The following NUMA1 variants were observed in gnomAD, a reference collection of about 807,000 sequenced individuals.
NUMA1 encodes the protein nuclear mitotic apparatus protein 1.
A neutral mutation model predicts 237.1 loss-of-function variants in NUMA1; 62 were observed. That is an observed-to-expected ratio of 0.26 (90% CI 0.21 to 0.32). The LOEUF (loss-of-function observed/expected upper bound fraction) is 0.32. Among genes scored for constraint, NUMA1 ranks in the 10% least tolerant of loss-of-function variants. The pLI is 1.00. For synonymous variants in NUMA1, 1,028 were observed against 1,066.1 expected (o/e 0.96, Z 0.70); for missense variants, 2,533 against 2,666.5 (o/e 0.95, Z 1.10).
chr11:72,046,098 G>C (rs919005463), intron 2 of NUMA1, among the ~76,000 whole-genome samples: 1 of 152,150 alleles, frequency 6.6e-6, no homozygotes, highest in Non-Finnish European at 1.5e-5. Context: ...GGCCAGTTTC[G>C]CCAGGCTTTC....
chr11:72,026,977 C>T (rs949071637), intron 4 of NUMA1, among the ~76,000 whole-genome samples: 2 of 152,194 alleles, frequency 1.3e-5, no homozygotes, highest in African/African-American at 4.8e-5. Flanking sequence ...TCAGGCAACA[C>T]CCTAGAAGAC....
intron 2 of NUMA1, chr11:72,065,469 G>A (rs1245643278): frequency 6.6e-6 from 1 of 151,974 alleles, no homozygotes; most frequent in Non-Finnish European, 1.5e-5. Flanking sequence ...GAAAAAAGCA[G>A]AATATAAAAT....
chr11:72,077,949 A>G (rs1399541013), intron 1 of NUMA1, among the ~76,000 whole-genome samples: 1 of 152,234 alleles, frequency 6.6e-6, no homozygotes, highest in African/African-American at 2.4e-5. Flanking sequence ...AGGAAGGAAT[A>G]AAATGCAAGG....
rs1484512830 is a variant in NUMA1 at position 72,022,385 on chromosome 11, C to A, written c.326G>T (p.Ser109Ile). The A allele has an allele frequency of 6.2e-7, 1 of 1,613,620 alleles. No homozygotes were observed. Among genetic ancestry groups the A allele is most frequent in the Admixed American group, 1.7e-5 (1 of 59,952 alleles). The part of the protein sequence containing the change: ...TMLLLYHSTM[S>I]SKSPRDWEQF... ...TTCCCAGTCCCTGGGACTTTTGGAG[C>A]TCATGGTAGAGTGGTATAAGAGCAG... is the stretch of plus-strand genomic sequence containing the variant. Residue 109 changes from serine to isoleucine, a missense_variant, in exon 7 of 27, where the codon AGC (serine) becomes ATC (isoleucine). Ser to Ile is a moderately radical substitution (Grantham distance 142, BLOSUM62 -2). Coordinates refer to ENST00000393695, the MANE Select transcript of NUMA1 (RefSeq NM_006185.4).
At chr11:72,047,082 G>A (rs1268676330) in intron 2 of NUMA1, among the ~76,000 whole-genome samples, 1 of 152,122 alleles carries the variant, frequency 6.6e-6, no homozygotes, top group Non-Finnish European at 1.5e-5. Context: ...CAAAGGGTCA[G>A]GTGATCCTCC....
chr11:72,051,520 G>T (rs1036362844), intron 2 of NUMA1, among the ~76,000 whole-genome samples: 2 of 150,216 alleles, frequency 1.3e-5, no homozygotes, highest in Non-Finnish European at 2.9e-5. Flanking sequence ...GCCCAGGCTG[G>T]AGTGCAGTGG....
At chr11:72,041,859 C>G (rs138920620) in intron 2 of NUMA1, 1 of 152,892 alleles carries the variant, frequency 6.5e-6, no homozygotes, top group African/African-American at 2.4e-5. Flanking sequence ...GTGCTGTGCC[C>G]GCTCCTCCCC....
chr11:72,018,342 G>A, intron 11 of NUMA1, 42 bp from the exon 12 acceptor site: 1 of 1,606,200 alleles, frequency 6.2e-7, no homozygotes, highest in Non-Finnish European at 8.5e-7. Context: ...ATGGGTTCCT[G>A]GCTGGGTGAG....
chr11:72,005,516 G>A, intron 22 of NUMA1, 147 bp from the exon 23 acceptor site: 2 of 695,272 alleles, frequency 2.9e-6, no homozygotes, highest in Admixed American at 5.9e-5. Flanking sequence ...AGGTGCAGGA[G>A]TACGGCACAC....
chr11:72,066,783 A>T (rs1044883150), intron 2 of NUMA1: 1 of 152,342 alleles, frequency 6.6e-6, no homozygotes, highest in African/African-American at 2.4e-5. Context: ...TCATTTTACT[A>T]AACTCCTGGA....
rs139983316 is a variant in NUMA1 at position 72,015,936 on chromosome 11, C to T, written c.1567G>A (p.Gly523Ser). ...TIQQQDQELA[G>S]LKQQAKEKQA... is the part of the protein sequence containing the mutation. The stretch of plus-strand genomic sequence containing the variant: ...TTCTCTTTGGCCTGCTGCTTCAGGC[C>T]AGCCAGTTCTTGATCCTGTTGCTGG... The change falls in exon 15 of 27, where the codon GGC (glycine) becomes AGC (serine). Residue 523 changes from glycine to serine, a missense_variant. Gly to Ser is a moderately conservative substitution (Grantham distance 56). Transcript: ENST00000393695. This position sits in a 1 kb window ranked among gnomAD's most constrained non-coding sequence, Gnocchi z 4.0. 20 of 1,614,000 alleles carry T rather than the reference C, an allele frequency of 1.2e-5. No individual in the cohort carries two copies. The highest frequency in any genetic ancestry group is 1.6e-5 in the Non-Finnish European group (19 of 1,180,040).
intron 7 of NUMA1, among the ~76,000 whole-genome samples, chr11:72,021,615 ATTGTTG>A (rs931719274): frequency 2.6e-5 from 4 of 152,206 alleles, no homozygotes; most frequent in Non-Finnish European, 4.4e-5. Context: ...TTTTATTGTT[ATTGTTG>A]TTAAGAAACA....
rs1343028917 is a variant in NUMA1, at chr11:72,080,526, G to T, written c.-171C>A. 1 of 152,012 alleles carries T rather than the reference G, an allele frequency of 6.6e-6. No individual in the cohort carries two copies. Among genetic ancestry groups the T allele is most frequent in the Non-Finnish European group, 1.5e-5 (1 of 68,004 alleles). The allele number at this position is 152,012 out of a possible 1,614,324, so 9.4% of individuals were successfully genotyped here. A position where few individuals can be genotyped will look rare whatever the true frequency, so the allele number is the denominator to read the frequency against. On this transcript the variant is annotated 5_prime_UTR_variant, in exon 1 of 27. Coordinates refer to ENST00000393695, the MANE Select transcript of NUMA1 (RefSeq NM_006185.4). Reference sequence around the variant, plus strand: ...TACCTCTTCGTGGGCTCGCGCCAGCGCTGTGAGCGCACAATTAGTTTAAAC... The same window carrying T: ...TACCTCTTCGTGGGCTCGCGCCAGCTCTGTGAGCGCACAATTAGTTTAAAC...
chr11:72,020,965 T>C, intron 8 of NUMA1: 1 of 455,726 alleles, frequency 2.2e-6, no homozygotes, highest in East Asian at 3.4e-5. Context: ...AAAGTAGGTA[T>C]GATCACTTGT....
intron 8 of NUMA1, 111 bp from the exon 9 acceptor site, chr11:72,019,728 TACTTATATGTAA>T: frequency 8.7e-7 from 1 of 1,147,896 alleles, no homozygotes; most frequent in Non-Finnish European, 1.2e-6. Context: ...TATCCATGGA[TACTTATATGTAA>T]ACTACCAAGG....
chr11:72,015,265 C>G lies in NUMA1; in HGVS notation c.2238G>C (p.Leu746=), dbSNP rs150177622. 1,062 of 1,613,694 alleles carry G rather than the reference C, an allele frequency of 6.6e-4. 10 individuals are homozygous for G. In the African/African-American group the frequency reaches 0.013, roughly 20 times the overall value. The change falls in exon 15 of 27, where the codon CTG becomes CTC. Residue 746 remains leucine, a synonymous_variant. Transcript: ENST00000393695. This position sits in a 1 kb window ranked among gnomAD's most constrained non-coding sequence, Gnocchi z 4.0. ...TTCGTTCCCGCTTATGCTGCTCCAC[C>G]AGGCTTCGGGTCTCTGCCTTCAGCT... is the stretch of plus-strand genomic sequence containing the variant. ...ISELKAETRS[L]VEQHKRERKE...
intron 2 of NUMA1, chr11:72,066,522 T>C (rs1463122976): frequency 2.6e-5 from 4 of 152,194 alleles, no homozygotes; most frequent in Non-Finnish European, 5.9e-5. Flanking sequence ...ATTTTCCCCA[T>C]ACATGCCAGG....
Position 72,012,936 on chromosome 11 carries a change from TCTC to T in NUMA1, c.4564_4566del (p.Glu1522del). ...TGCCTCTCTTCCTGGAACCGCTGCC[TCTC>T]CTCCAGGACCTTGACCTTGGCACCC... On this transcript the variant is annotated inframe_deletion, in exon 15 of 27. Coordinates refer to ENST00000393695, the MANE Select transcript of NUMA1 (RefSeq NM_006185.4). The T allele has an allele frequency of 6.2e-7, 1 of 1,614,104 alleles. No individual in the cohort carries two copies. Among genetic ancestry groups the T allele is most frequent in the Non-Finnish European group, 8.5e-7 (1 of 1,180,018 alleles).
At chr11:72,045,202 T>G (rs1021983505) in intron 2 of NUMA1, among the ~76,000 whole-genome samples, 1 of 149,914 alleles carries the variant, frequency 6.7e-6, no homozygotes, top group African/African-American at 2.5e-5. Flanking sequence ...GTTTACAAAT[T>G]CAACTTTCTG....
Sources: gnomAD v4.1 joint callset for allele counts (sites outside exome capture counted in the v4.1 genomes callset) on GRCh38, gnomAD v4.1.1 for gene constraint, Gnocchi (gnomAD v3.1) non-coding constraint, MANE v1.5 for transcripts, NCBI Gene and HGNC (gene_info 2026-07-23, HGNC 2026-07-21) for gene names.